The following MYH1 variants were observed in gnomAD, a reference collection of about 807,000 sequenced individuals.
The protein encoded by MYH1 is myosin heavy chain 1.
Under a neutral mutation model 225.6 loss-of-function variants are expected in MYH1, and 214 were observed. The ratio of observed to expected loss-of-function variants is 0.95; its 90% CI spans 0.85 to 1.06. MYH1 has a LOEUF of 1.06. MYH1 is among the 50% of genes least tolerant of loss of function. The pLI is 0.00. For synonymous variants in MYH1, 774 were observed against 842.3 expected (o/e 0.92, Z 1.40); for missense variants, 2,098 against 2,344.2 (o/e 0.89, Z 2.17).
intron 16 of MYH1, 67 bp downstream of exon 16, chr17:10,508,296 G>A: frequency 2.7e-6 from 4 of 1,503,620 alleles, no homozygotes; most frequent in Non-Finnish European, 3.6e-6. Context: ...TGGGATTACA[G>A]GCACCGTGTC....
rs1356936580 is a variant in MYH1 at position 10,505,388 on chromosome 17, C to T, written c.2298G>A (p.Lys766=). Residue 766 remains lysine, a splice_region_variant and synonymous_variant, in exon 20 of 40, where the codon AAG becomes AAA. Transcript: ENST00000226207. ...DHTQYKFGHT[K]VFFKAGLLGL... is the part of the protein sequence containing the mutation. ...TCAGGTAGGATTTACAGAATATTAC[C>T]TTGGTGTGACCAAATTTATACTGGG... 1.9e-6 allele frequency: 3 copies of T among 1,614,174 alleles called. No individual in the cohort carries two copies. The highest frequency in any genetic ancestry group is 2.5e-6 in the Non-Finnish European group (3 of 1,180,034).
intron 39 of MYH1, 33 bp from the exon 40 acceptor site, chr17:10,492,601 A>G: frequency 6.3e-7 from 1 of 1,584,238 alleles, no homozygotes; most frequent in Non-Finnish European, 8.6e-7. Context: ...GAGGGAAGAA[A>G]GTTCAGAATT....
rs2073026067 is a variant in MYH1, at chr17:10,499,034, G to A, written c.3924C>T (p.Gly1308=). The change falls in exon 29 of 40, where the codon GGC becomes GGT. Residue 1308 remains glycine, a synonymous_variant. Transcript: ENST00000226207. The part of the protein sequence containing the change: ...KDTLVSQLSR[G]KQAFTQQIEE... ...CAATCTGTTGTGTAAAGGCTTGTTT[G>A]CCCCTCGAGAGCTGTGAAACTAGTG... The A allele has an allele frequency of 3.1e-6, 5 of 1,614,010 alleles. No homozygotes were observed. The highest frequency in any genetic ancestry group is 1.7e-5 in the Admixed American group (1 of 60,006).
chr17:10,509,515 G>A lies in MYH1; in HGVS notation c.1557C>T (p.Asp519=), dbSNP rs1274192398. The change falls in exon 15 of 40, where the codon GAC becomes GAT. Residue 519 remains aspartate, a synonymous_variant. Coordinates refer to ENST00000226207, the MANE Select transcript of MYH1 (RefSeq NM_005963.4). ...CGATGAGCTCGATGCAGGCAGCCAG[G>A]TCCATCCCAAAGTCAATGAACGTCC... ...IEWTFIDFGM[D]LAACIELIEK... The A allele has an allele frequency of 9.9e-6, 16 of 1,614,034 alleles. No individual in the cohort carries two copies. In the South Asian group the frequency reaches 1.5e-4, roughly 16 times the overall value.
At chr17:10,513,454 C>T (rs1014895608) in intron 9 of MYH1, among the ~76,000 whole-genome samples, 172 bp downstream of exon 9, 1 of 152,170 alleles carries the variant, frequency 6.6e-6, no homozygotes, top group African/African-American at 2.4e-5. Context: ...TACCTCATGA[C>T]TGGAGTGGGT....
At chr17:10,516,165 T>C in intron 4 of MYH1, 34 bp downstream of exon 4, 4 of 1,613,816 alleles carry the variant, frequency 2.5e-6, no homozygotes, top group Non-Finnish European at 3.4e-6. Flanking sequence ...TATTAACTAC[T>C]CTCATGAGTA....
chr17:10,502,755 C>G lies in MYH1; in HGVS notation c.3094G>C (p.Glu1032Gln), dbSNP rs1213548552. Residue 1032 changes from glutamate (E) to glutamine (Q), a missense_variant, in exon 24 of 40, where the codon GAA becomes CAA. Transcript: ENST00000226207. ...AGGCTTACATCATCCACTTGTTGTT[C>G]AAGTTTGATTTTAGCTTTGGTCAGG... ...NTLTKAKIKL[E>Q]QQVDDLEGSL... The G allele has an allele frequency of 6.2e-7, 1 of 1,614,024 alleles. No individual in the cohort carries two copies. Among genetic ancestry groups the G allele is most frequent in the African/African-American group, 1.3e-5 (1 of 74,962 alleles).
In MYH1 at chr17:10,508,008, TTTTTTTTTTG is replaced by T. The variant is rs754745051; in HGVS notation, c.1898-62_1898-53del. ...GGACAGCCTTTCTCTGGTTATGGTT[TTTTTTTTTTG>T]TTTTTTTTTGTTTTTTTTGACGAAG... On this transcript the variant is annotated intron_variant, in intron 16 of 39. Transcript: ENST00000226207. 160 of 1,455,394 alleles carry T rather than the reference TTTTTTTTTTG, an allele frequency of 1.1e-4. 1 individual carries two copies. In the African/African-American group the frequency reaches 1.7e-3, roughly 16 times the overall value. The allele number at this position is 1,455,394 out of a possible 1,614,324, so 90.2% of individuals were successfully genotyped here. A position where few individuals can be genotyped will look rare whatever the true frequency, so the allele number is the denominator to read the frequency against.
rs777915350 is a variant in MYH1, at chr17:10,501,152, G to A, written c.3696C>T (p.Ile1232=). 16 of 1,614,028 alleles carry A rather than the reference G, an allele frequency of 9.9e-6. No homozygotes were observed. The highest frequency in any genetic ancestry group is 3.3e-4 in the Middle Eastern group (2 of 6,058). The part of the protein sequence containing the change: ...EKEKSEMKME[I]DDLASNMETV... Reference sequence around the variant, plus strand: ...TCTCCATGTTACTAGCAAGGTCATCGATCTCCATCTTCATCTCACTCTTCT... The same window carrying A: ...TCTCCATGTTACTAGCAAGGTCATCAATCTCCATCTTCATCTCACTCTTCT... The change falls in exon 27 of 40, where the codon ATC becomes ATT. Residue 1232 remains isoleucine (I), a synonymous_variant. Coordinates refer to ENST00000226207, the MANE Select transcript of MYH1 (RefSeq NM_005963.4).
intron 39 of MYH1, among the ~76,000 whole-genome samples, chr17:10,493,049 G>T (rs1472404731): frequency 6.6e-6 from 1 of 152,094 alleles, no homozygotes; most frequent in Non-Finnish European, 1.5e-5. Flanking sequence ...AGCTGTCTCT[G>T]ATTATACTTA....
Position 10,504,812 on chromosome 17 carries a change from C to G in MYH1, c.2689G>C (p.Ala897Pro), listed in dbSNP as rs1254514196. The stretch of plus-strand genomic sequence containing the variant: ...GGAAATGACTTCGGGATACTCACAG[C>G]TTGAACCTGGAGTTGCAAGTCATTT... ...EKNDLQLQVQ[A>P]EADSLADAEE... The change falls in exon 22 of 40, where the codon GCT (alanine) becomes CCT (proline). Residue 897 changes from alanine (A) to proline (P), a missense_variant and splice_region_variant. Coordinates refer to ENST00000226207, the MANE Select transcript of MYH1 (RefSeq NM_005963.4). The G allele has an allele frequency of 6.2e-6, 10 of 1,613,732 alleles. No homozygotes were observed. The highest frequency in any genetic ancestry group is 8.5e-6 in the Non-Finnish European group (10 of 1,179,964).
chr17:10,507,369 T>G (rs899888717), intron 17 of MYH1, among the ~76,000 whole-genome samples: 2 of 152,198 alleles, frequency 1.3e-5, no homozygotes, highest in African/African-American at 4.8e-5. Flanking sequence ...GGCCGTAATT[T>G]TTTTAAAAGT....
chr17:10,505,506 T>C lies in MYH1; in HGVS notation c.2180A>G (p.Lys727Arg), dbSNP rs746435775. ...AGGGATAGCACTTGCATTTAACACC[T>C]TGTATCTGTTTAAGCCAGACAAAAA... ...ILYADFKQRYKVLNASAIPEG... is the reference protein window; with the variant it reads ...ILYADFKQRYRVLNASAIPEG... The change falls in exon 20 of 40, where the codon AAG becomes AGG. Residue 727 changes from lysine to arginine, a missense_variant. By Grantham distance (26) the Lys-to-Arg change is conservative. Coordinates refer to ENST00000226207, the MANE Select transcript of MYH1 (RefSeq NM_005963.4). The C allele has an allele frequency of 6.2e-7, 1 of 1,614,126 alleles. No individual in the cohort carries two copies. Among genetic ancestry groups the C allele is most frequent in the Non-Finnish European group, 8.5e-7 (1 of 1,180,002 alleles).
At chr17:10,516,710 A>G in intron 2 of MYH1, 28 bp from the exon 3 acceptor site, 1 of 1,573,860 alleles carries the variant, frequency 6.4e-7, no homozygotes, top group Non-Finnish European at 8.7e-7. Flanking sequence ...GAAATTGTAG[A>G]AATTAAGAAA....
rs2073019227 is a variant in MYH1 at position 10,498,561 on chromosome 17, A to T, written c.4181+65T>A. ...TATGGTCCCAGAATGTTTTTTCCCT[A>T]GTTTTTCATATGTTTTGGGAGCAAG... On this transcript the variant is annotated intron_variant, in intron 30 of 39. Coordinates refer to ENST00000226207, the MANE Select transcript of MYH1 (RefSeq NM_005963.4). 5.0e-6 allele frequency: 8 copies of T among 1,602,118 alleles called. No individual in the cohort carries two copies. The Admixed American group carries it at 5.1e-5, about 10-fold the overall frequency.
intron 28 of MYH1, 37 bp downstream of exon 28, chr17:10,500,589 A>G: frequency 6.2e-7 from 1 of 1,611,098 alleles, no homozygotes; most frequent in Non-Finnish European, 8.5e-7. Flanking sequence ...TGCAGGGTGA[A>G]TTTGTCATTC....
intron 14 of MYH1, among the ~76,000 whole-genome samples, chr17:10,510,667 G>A (rs2073161863): frequency 6.6e-6 from 1 of 152,160 alleles, no homozygotes; most frequent in Admixed American, 6.5e-5. Flanking sequence ...AATCTGGCAA[G>A]CATATGCGAA....
chr17:10,511,927 A>T lies in MYH1; in HGVS notation c.1328T>A (p.Val443Asp). 1 of 1,614,196 alleles carries T rather than the reference A, an allele frequency of 6.2e-7. No homozygotes were observed. The highest frequency in any genetic ancestry group is 1.6e-4 in the Middle Eastern group (1 of 6,062). Reference sequence around the variant, plus strand: ...GTCCAGCTGCTGGTTGATGCGGGTGACCATCCACAAGAACATCTTATCGTA... The same window carrying T: ...GTCCAGCTGCTGGTTGATGCGGGTGTCCATCCACAAGAACATCTTATCGTA... The part of the protein sequence containing the change: ...AVYDKMFLWM[V>D]TRINQQLDTK... The change falls in exon 14 of 40, where the codon GTC becomes GAC. Residue 443 changes from valine to aspartate, a missense_variant. Coordinates refer to ENST00000226207, the MANE Select transcript of MYH1 (RefSeq NM_005963.4).
chr17:10,495,149 T>C (rs1307274559), intron 36 of MYH1, 43 bp downstream of exon 36: 2 of 1,614,088 alleles, frequency 1.2e-6, no homozygotes, highest in African/African-American at 2.7e-5. Flanking sequence ...AGACAGCACA[T>C]TAAGATTTAA....
Sources: gnomAD v4.1 joint callset for allele counts (sites outside exome capture counted in the v4.1 genomes callset) on GRCh38, gnomAD v4.1.1 for gene constraint, MANE v1.5 for transcripts, NCBI Gene and HGNC (gene_info 2026-07-23, HGNC 2026-07-21) for gene names.